NT5M: variants seen among roughly 807,000 people sequenced by gnomAD.
The protein encoded by NT5M is 5'(3')-deoxyribonucleotidase, mitochondrial.
A neutral mutation model predicts 22.2 loss-of-function variants in NT5M; 22 were observed. The ratio of observed to expected loss-of-function variants is 0.99; its 90% confidence interval spans 0.71 to 1.41. NT5M has a LOEUF of 1.41. Among genes scored for constraint, NT5M ranks in the 40% most tolerant of loss-of-function variants. NT5M has a pLI of 0.00. For synonymous variants in NT5M, 167 were observed against 133.0 expected, an observed-to-expected ratio of 1.26 and a Z score of -1.76; for missense variants, 322 against 314.8, an observed-to-expected ratio of 1.02 and a Z score of -0.17.
Position 17,303,613 on chromosome 17 carries a change from G to T in NT5M, c.63G>T (p.Arg21=), listed in dbSNP as rs2048726923. The T allele has an allele frequency of 5.5e-6, 7 of 1,270,986 alleles. No individual in the cohort carries two copies. In the East Asian group the frequency reaches 2.3e-4, roughly 41 times the overall value. 78.7% of individuals were successfully genotyped at this position (1,270,986 alleles called of 1,614,324 possible). A position where few individuals can be genotyped will look rare whatever the true frequency, so the allele number is the denominator to read the frequency against. The change falls in exon 1 of 5, where the codon CGG becomes CGT. Residue 21 remains arginine (R), a synonymous_variant. Transcript: ENST00000389022. ...GCAGCGCGGCGGTTCCCGCGGGGCG[G>T]CGCGGGGCGGCGGGCGGGCTGGGCC... ...RLCSAAVPAG[R]RGAAGGLGLA...
intron 2 of NT5M, among the ~76,000 whole-genome samples, chr17:17,316,809 G>A (rs1486011524): frequency 2.0e-5 from 3 of 151,130 alleles, no homozygotes; most frequent in African/African-American, 2.4e-5. Context: ...TCTGCCTCCC[G>A]GGTTAAGCGA....
In NT5M at chr17:17,306,528, T is replaced by C; in HGVS notation, c.268-15T>C. The C allele has an allele frequency of 1.2e-6, 2 of 1,604,432 alleles. No homozygotes were observed. The highest frequency in any genetic ancestry group is 1.7e-6 in the Non-Finnish European group (2 of 1,171,332). ...TGAGGACCCTGGAAGTAACTTGCTT[T>C]TCTCAACTTCTCAGGAGAAGGCCAT... On this transcript the variant is annotated splice_polypyrimidine_tract_variant and intron_variant, in intron 1 of 4. Coordinates refer to ENST00000389022, the MANE Select transcript of NT5M (RefSeq NM_020201.4).
rs1204705361 is a variant in NT5M at position 17,347,038 on chromosome 17, C to CCTA, written c.*93_*94insACT. 1 of 1,460,624 alleles carries CCTA rather than the reference C, an allele frequency of 6.8e-7. No homozygotes were observed. The highest frequency in any genetic ancestry group is 9.2e-7 in the Non-Finnish European group (1 of 1,081,384). The allele number at this position is 1,460,624 out of a possible 1,614,324, so 90.5% of individuals were successfully genotyped here. The stretch of plus-strand genomic sequence containing the variant: ...GGGCCAGTATGCTGGTCTGGGAGTC[C>CCTA]CTCCTAGACTCCTGGGCCCCATGAC... On this transcript the variant is annotated 3_prime_UTR_variant, in exon 5 of 5. Coordinates refer to ENST00000389022, the MANE Select transcript of NT5M (RefSeq NM_020201.4).
At chr17:17,320,999 G>A (rs1440808031) in intron 2 of NT5M, among the ~76,000 whole-genome samples, 4 of 151,844 alleles carry the variant, frequency 2.6e-5, no homozygotes, top group African/African-American at 4.8e-5. Flanking sequence ...AGCAGGAGGC[G>A]AGGGAGTGGG....
Position 17,347,084 on chromosome 17 carries a change from C to A in NT5M, c.*137C>A. On this transcript the variant is annotated 3_prime_UTR_variant, in exon 5 of 5. Transcript: ENST00000389022. Reference sequence around the variant, plus strand: ...ATGACCTCCTGCTGCATGTCCCTTCCCTTCCCCAGCCCTGCCAGGCCTTAA... The same window carrying A: ...ATGACCTCCTGCTGCATGTCCCTTCACTTCCCCAGCCCTGCCAGGCCTTAA... 8.9e-7 allele frequency: 1 copy of A among 1,125,126 alleles called. No homozygotes were observed. Among genetic ancestry groups the A allele is most frequent in the Non-Finnish European group, 1.2e-6 (1 of 809,480 alleles). 69.7% of individuals were successfully genotyped at this position (1,125,126 alleles called of 1,614,324 possible).
chr17:17,314,579 C>T (rs1021975895), intron 2 of NT5M, among the ~76,000 whole-genome samples: 6 of 152,156 alleles, frequency 3.9e-5, no homozygotes, highest in African/African-American at 1.4e-4. Flanking sequence ...ATGTTAGCCC[C>T]ACTGAAAGCC....
At chr17:17,328,326 C>T (rs1041493477) in intron 3 of NT5M, among the ~76,000 whole-genome samples, 9 of 152,118 alleles carry the variant, frequency 5.9e-5, no homozygotes, top group African/African-American at 2.2e-4. Context: ...ATCCAAATCT[C>T]CCAGCTGTCC....
chr17:17,305,413 C>T (rs8082383), intron 1 of NT5M, among the ~76,000 whole-genome samples: 11,437 of 124,472 alleles, frequency 0.092, 933 homozygotes, highest in African/African-American at 0.16. Context: ...CCCCCGCCCC[C>T]ACACACGTGG....
chr17:17,317,022 GGTTTTTT>G (rs1567885486), intron 2 of NT5M, among the ~76,000 whole-genome samples: 2 of 141,560 alleles, frequency 1.4e-5, no homozygotes, highest in Non-Finnish European at 3.1e-5. Context: ...CCATAACTTA[GGTTTTTT>G]GTTTTTTGTT....
chr17:17,311,621 C>T (rs1175479762), intron 2 of NT5M, among the ~76,000 whole-genome samples: 1 of 152,142 alleles, frequency 6.6e-6, no homozygotes, highest in Non-Finnish European at 1.5e-5. Flanking sequence ...ACCTGAATGA[C>T]AAATGTAAGG....
At chr17:17,329,306 T>C (rs964779366) in intron 3 of NT5M, among the ~76,000 whole-genome samples, 32 of 152,176 alleles carry the variant, frequency 2.1e-4, no homozygotes, top group African/African-American at 7.2e-4. Context: ...TTATCCCTGT[T>C]CTACAGATGG....
chr17:17,304,563 C>G (rs2048751585), intron 1 of NT5M: 1 of 383,354 alleles, frequency 2.6e-6, no homozygotes, highest in Admixed American at 6.5e-5. Context: ...TTTGGCATCC[C>G]TTGATTGGCC....
At chr17:17,345,494 C>T (rs1473241144) in intron 4 of NT5M, among the ~76,000 whole-genome samples, 2 of 152,040 alleles carry the variant, frequency 1.3e-5, no homozygotes, top group Non-Finnish European at 2.9e-5. Flanking sequence ...GAGACTCTCT[C>T]TACAAAAAAT....
chr17:17,313,218 G>A (rs1483192732), intron 2 of NT5M, among the ~76,000 whole-genome samples: 22 of 152,170 alleles, frequency 1.4e-4, no homozygotes, highest in Admixed American at 1.4e-3. Flanking sequence ...GGCAGAGGTT[G>A]TGGTGAGCTG....
intron 1 of NT5M, 130 bp from the exon 2 acceptor site, chr17:17,306,413 C>T (rs2048801976): frequency 1.4e-6 from 1 of 714,960 alleles, no homozygotes; most frequent in Admixed American, 2.1e-5. Flanking sequence ...GAAGTACGTC[C>T]TTGGGTGTGT....
Position 17,346,984 on chromosome 17 carries a change from AC to A in NT5M, c.*39del, listed in dbSNP as rs1279545597. The A allele has an allele frequency of 6.2e-7, 1 of 1,603,458 alleles. No individual in the cohort carries two copies. Among genetic ancestry groups the A allele is most frequent in the Admixed American group, 1.7e-5 (1 of 59,684 alleles). ...CTTCGGGCTCCTCTGTGGGGCTCTGACCTCAGGGCTCCCAGCTCGGGGCCTG... is the reference window on the plus strand; with the variant it reads ...CTTCGGGCTCCTCTGTGGGGCTCTGACTCAGGGCTCCCAGCTCGGGGCCTG... On this transcript the variant is annotated 3_prime_UTR_variant, in exon 5 of 5. Coordinates refer to ENST00000389022, the MANE Select transcript of NT5M (RefSeq NM_020201.4).
chr17:17,336,204 G>A (rs1230065809), intron 3 of NT5M, among the ~76,000 whole-genome samples: 13 of 150,212 alleles, frequency 8.7e-5, no homozygotes, highest in South Asian at 2.1e-4. Context: ...GGGTTTCACC[G>A]TGTTAGCCAG....
At chr17:17,306,371 C>G (rs73300350) in intron 1 of NT5M, among the ~76,000 whole-genome samples, 172 bp from the exon 2 acceptor site, 1 of 152,092 alleles carries the variant, frequency 6.6e-6, no homozygotes, top group Non-Finnish European at 1.5e-5. Context: ...GAAAGGGGTT[C>G]GAAGTCCACA....
At chr17:17,307,814 C>T (rs910544712) in intron 2 of NT5M, among the ~76,000 whole-genome samples, 14 of 152,092 alleles carry the variant, frequency 9.2e-5, no homozygotes, top group African/African-American at 2.9e-4. Context: ...GCCAAGATCG[C>T]GCCACTACAC....
Sources: gnomAD v4.1 joint callset for allele counts (sites outside exome capture counted in the v4.1 genomes callset) on GRCh38, gnomAD v4.1.1 for gene constraint, MANE v1.5 for transcripts, NCBI Gene and HGNC (gene_info 2026-07-23, HGNC 2026-07-21) for gene names.